DHX35: variants seen among roughly 807,000 people sequenced by gnomAD.
DHX35 encodes probable ATP-dependent RNA helicase DHX35.
In DHX35, 84 loss-of-function variants were observed where a neutral mutation model predicts 99.6. That is an observed-to-expected ratio of 0.84 (90% CI 0.71 to 1.01). DHX35 has a LOEUF of 1.01. DHX35 is among the 50% of genes least tolerant of loss of function. The probability of loss-of-function intolerance (pLI) is 0.00; values close to 1 mark genes in which losing one functional copy is unlikely to be tolerated. For synonymous variants in DHX35, 331 were observed against 316.2 expected, an observed-to-expected ratio of 1.05 and a Z score of -0.50; for missense variants, 852 against 888.5, an observed-to-expected ratio of 0.96 and a Z score of 0.52.
intron 3 of DHX35, among the ~76,000 whole-genome samples, chr20:38,979,355 AAC>A (rs1024316867): frequency 4.6e-5 from 7 of 152,172 alleles, no homozygotes; most frequent in Admixed American, 1.3e-4. Flanking sequence ...GCTGGCTCAA[AAC>A]ACATGTGCAT....
chr20:38,989,304 CG>C (rs1250374671), intron 5 of DHX35, among the ~76,000 whole-genome samples: 1 of 124,318 alleles, frequency 8.0e-6, no homozygotes, highest in South Asian at 2.6e-4. Flanking sequence ...TTAGTAGAGA[CG>C]GGGTTTCACT....
At chr20:39,030,930 A>G (rs1005934122) in intron 20 of DHX35, among the ~76,000 whole-genome samples, 155 bp downstream of exon 20, 3 of 152,200 alleles carry the variant, frequency 2.0e-5, no homozygotes, top group Non-Finnish European at 4.4e-5. Flanking sequence ...TGGGAGGCCA[A>G]TGTAGGCAGG....
At chr20:39,000,128 G>A in intron 8 of DHX35, among the ~76,000 whole-genome samples, 1 of 152,190 alleles carries the variant, frequency 6.6e-6, no homozygotes, top group Non-Finnish European at 1.5e-5. Context: ...GTCCTGGGAA[G>A]GGATGTCTCC....
chr20:38,974,441 G>C (rs1349773311), intron 3 of DHX35, among the ~76,000 whole-genome samples: 1 of 152,246 alleles, frequency 6.6e-6, no homozygotes, highest in Non-Finnish European at 1.5e-5. Context: ...AGGGACAAAG[G>C]TGCACAGTGA....
intron 10 of DHX35, 86 bp downstream of exon 10, chr20:39,002,954 G>A (rs2086546095): frequency 1.8e-6 from 2 of 1,140,952 alleles, no homozygotes; most frequent in Non-Finnish European, 1.3e-6. Flanking sequence ...ACTCAGTCAT[G>A]TATTTCATGT....
At chr20:39,008,749 A>G (rs2086656391) in intron 12 of DHX35, among the ~76,000 whole-genome samples, 1 of 152,200 alleles carries the variant, frequency 6.6e-6, no homozygotes, top group South Asian at 2.1e-4. Context: ...CTGAACTACT[A>G]CACGACATGC....
chr20:38,984,811 C>T (rs2086225769), intron 4 of DHX35, among the ~76,000 whole-genome samples: 1 of 151,780 alleles, frequency 6.6e-6, no homozygotes, highest in Non-Finnish European at 1.5e-5. Context: ...CATTACTCAT[C>T]ATTAGTTATT....
chr20:38,964,630 C>T (rs1032940794), intron 1 of DHX35, among the ~76,000 whole-genome samples: 1 of 152,140 alleles, frequency 6.6e-6, no homozygotes, highest in Non-Finnish European at 1.5e-5. Flanking sequence ...GGAGTTTCAG[C>T]ATGGTGGCCA....
intron 15 of DHX35, 111 bp downstream of exon 15, chr20:39,019,010 T>C (rs953111244): frequency 2.3e-6 from 2 of 880,490 alleles, no homozygotes; most frequent in South Asian, 1.6e-5. Flanking sequence ...AAGAAGTATA[T>C]ATATATCTGT....
chr20:38,971,922 G>A (rs1232159380), intron 2 of DHX35, among the ~76,000 whole-genome samples: 2 of 151,498 alleles, frequency 1.3e-5, no homozygotes, highest in Non-Finnish European at 2.9e-5. Flanking sequence ...ACTCTGCAAT[G>A]AGTATGCTTG....
chr20:38,972,744 A>T, intron 3 of DHX35, 93 bp downstream of exon 3: 1 of 798,158 alleles, frequency 1.3e-6, no homozygotes, highest in East Asian at 2.6e-5. Context: ...TTACATTTTT[A>T]AGGTCTCCTT....
rs554451957 is a variant in DHX35, at chr20:38,985,111, G to C, written c.345+1335G>C. 2.6e-5 allele frequency among the ~76,000 whole-genome samples: 4 copies of C among 152,150 alleles called. No individual in the cohort carries two copies. In the East Asian group the frequency reaches 7.7e-4, roughly 29 times the overall value. ...AAATTAGCTCTGAGAGATTGGGTGT[G>C]GTGGCTAATGCCTGTATTCCCAGCA... On this transcript the variant is annotated intron_variant, in intron 4 of 21. Coordinates refer to ENST00000252011, the MANE Select transcript of DHX35 (RefSeq NM_021931.4).
At chr20:38,989,900 T>C (rs147872025) in intron 5 of DHX35, among the ~76,000 whole-genome samples, 1 of 152,304 alleles carries the variant, frequency 6.6e-6, no homozygotes, top group African/African-American at 2.4e-5. Context: ...TGAATGAAAA[T>C]AATCTGATGA....
Position 39,010,318 on chromosome 20 carries a change from G to C in DHX35, c.1261G>C (p.Glu421Gln). 1 of 1,614,136 alleles carries C rather than the reference G, an allele frequency of 6.2e-7. No homozygotes were observed. The highest frequency in any genetic ancestry group is 1.7e-5 in the Admixed American group (1 of 60,018). The change falls in exon 13 of 22, where the codon GAG becomes CAG. Residue 421 changes from glutamate to glutamine, a missense_variant. By Grantham distance (29) the Glu-to-Gln change is conservative. Coordinates refer to ENST00000252011, the MANE Select transcript of DHX35 (RefSeq NM_021931.4). ...CAAGTTGCCTCAGTCTACGGTTCCT[G>C]AGATGCAGCGTAGTAATTTGGCACC... is the stretch of plus-strand genomic sequence containing the variant. ...FDKLPQSTVP[E>Q]MQRSNLAPVI...
At chr20:38,998,900 G>A (rs1213312306) in intron 8 of DHX35, among the ~76,000 whole-genome samples, 1 of 152,048 alleles carries the variant, frequency 6.6e-6, no homozygotes, top group African/African-American at 2.4e-5. Flanking sequence ...AGGTTCAAAC[G>A]ATTCTCCTGC....
At chr20:38,963,210 C>A (rs574635503) in intron 1 of DHX35, among the ~76,000 whole-genome samples, 21 of 152,196 alleles carry the variant, frequency 1.4e-4, no homozygotes, top group Non-Finnish European at 2.6e-4. Context: ...TGCATTACTT[C>A]CTCTCTGCAA....
At chr20:38,995,128 C>G (rs183622892) in intron 8 of DHX35, among the ~76,000 whole-genome samples, 3 of 152,242 alleles carry the variant, frequency 2.0e-5, no homozygotes, top group Non-Finnish European at 2.9e-5. Flanking sequence ...TTTCTCCCCA[C>G]TTACACAGCT....
chr20:38,986,159 C>T (rs573312727), intron 4 of DHX35, among the ~76,000 whole-genome samples: 1 of 150,376 alleles, frequency 6.6e-6, no homozygotes, highest in Non-Finnish European at 1.5e-5. Flanking sequence ...GCTTAGAGCA[C>T]AGCACTTGCC....
chr20:38,994,474 T>G (rs1021944259), intron 7 of DHX35, among the ~76,000 whole-genome samples: 8 of 152,172 alleles, frequency 5.3e-5, no homozygotes, highest in African/African-American at 9.7e-5. Flanking sequence ...CATACATAGA[T>G]TCAAACTATC....
Sources: allele counts gnomAD v4.1 joint callset (sites outside exome capture counted in the v4.1 genomes callset), GRCh38; gene constraint gnomAD v4.1.1; transcripts MANE v1.5; gene names NCBI Gene and HGNC (gene_info 2026-07-23, HGNC 2026-07-21).